ACSL5: variants seen among roughly 807,000 people sequenced by gnomAD.
ACSL5 encodes the protein long-chain-fatty-acid--CoA ligase 5.
ACSL5 carries 50 observed loss-of-function variants against 84.9 expected under a neutral mutation model. The ratio of observed to expected loss-of-function variants is 0.59; its 90% CI spans 0.47 to 0.75. The LOEUF is 0.75. Among genes scored for constraint, ACSL5 ranks in the 30% least tolerant of loss-of-function variants. ACSL5 has a pLI of 0.00. For synonymous variants in ACSL5, 280 were observed against 300.7 expected, an observed-to-expected ratio of 0.93 and a Z score of 0.71; for missense variants, 775 against 830.4, an observed-to-expected ratio of 0.93 and a Z score of 0.82.
In ACSL5 at chr10:112,426,950, A is replaced by T. The variant is rs925784128; in HGVS notation, c.1911+91A>T. 5.9e-6 allele frequency: 7 copies of T among 1,180,608 alleles called. No homozygotes were observed. The African/African-American group carries it at 1.1e-4, about 18-fold the overall frequency. 73.1% of individuals were successfully genotyped at this position (1,180,608 alleles called of 1,614,324 possible). A position where few individuals can be genotyped will look rare whatever the true frequency, so the allele number is the denominator to read the frequency against. ...ATGAGGTTTAAATGTATAATTTCTA[A>T]GGAATTGATTTTAGATTTTGTGCCA... On this transcript the variant is annotated intron_variant, in intron 20 of 20. Coordinates refer to ENST00000354655, the MANE Select transcript of ACSL5 (RefSeq NM_203379.2).
intron 12 of ACSL5, among the ~76,000 whole-genome samples, chr10:112,416,372 G>A (rs867113233): frequency 6.6e-5 from 10 of 150,724 alleles, no homozygotes; most frequent in African/African-American, 1.5e-4. Flanking sequence ...TCAGGAGGCT[G>A]AGGCAGGAGA....
chr10:112,380,122 G>A lies in ACSL5; in HGVS notation c.-30+5853G>A, dbSNP rs557905486. On this transcript the variant is annotated intron_variant, in intron 1 of 20. Transcript: ENST00000354655. The stretch of plus-strand genomic sequence containing the variant: ...GTGTTACTGACACAAGTTGTCCCGG[G>A]GTCGGGATTTGGACTGTGACTCACT... Among the ~76,000 whole-genome samples the A allele has an allele frequency of 3.9e-5, 6 of 152,234 alleles. No homozygotes were observed. In the South Asian group the frequency reaches 8.3e-4, roughly 21 times the overall value.
At chr10:112,405,229 A>G (rs901208456) in intron 5 of ACSL5, among the ~76,000 whole-genome samples, 3 of 152,212 alleles carry the variant, frequency 2.0e-5, no homozygotes, top group Admixed American at 6.5e-5. Flanking sequence ...CTATCTTTCC[A>G]CAGTGAGTTG....
chr10:112,413,844 C>T (rs1194300200), intron 12 of ACSL5, among the ~76,000 whole-genome samples: 1 of 152,178 alleles, frequency 6.6e-6, no homozygotes, highest in African/African-American at 2.4e-5. Context: ...TTGGGGGGCC[C>T]CTCAGGGTTC....
chr10:112,396,100 G>A (rs1478925128), intron 2 of ACSL5: 1 of 152,130 alleles, frequency 6.6e-6, no homozygotes, highest in African/African-American at 2.4e-5. Flanking sequence ...AAAGTGCTCT[G>A]AATCACTCAT....
At chr10:112,421,515 C>T (rs1844464136) in intron 14 of ACSL5, 78 bp from the exon 15 acceptor site, 1 of 1,326,624 alleles carries the variant, frequency 7.5e-7, no homozygotes, top group African/African-American at 1.4e-5. Context: ...CCTTGCTTTC[C>T]TCGTGTCTTG....
intron 17 of ACSL5, among the ~76,000 whole-genome samples, chr10:112,423,830 A>G (rs551246835): frequency 4.6e-5 from 7 of 152,186 alleles, no homozygotes; most frequent in African/African-American, 1.7e-4. Context: ...CTTGAGGCAG[A>G]AGTTGTGGTT....
intron 14 of ACSL5, among the ~76,000 whole-genome samples, chr10:112,418,444 T>C (rs950822957): frequency 6.6e-6 from 1 of 151,894 alleles, no homozygotes; most frequent in Non-Finnish European, 1.5e-5. Flanking sequence ...TAGCTGGGCG[T>C]GGTGGTGGGC....
chr10:112,389,616 C>T (rs1174621226), intron 1 of ACSL5, among the ~76,000 whole-genome samples: 2 of 152,170 alleles, frequency 1.3e-5, no homozygotes, highest in South Asian at 2.1e-4. Context: ...ATGCCAGTCA[C>T]GCCCACTGCT....
chr10:112,389,364 G>A (rs1414336878), intron 1 of ACSL5, among the ~76,000 whole-genome samples: 4 of 152,178 alleles, frequency 2.6e-5, no homozygotes, highest in Non-Finnish European at 5.9e-5. Context: ...GGACAAGGAT[G>A]GTGGACAAAT....
intron 9 of ACSL5, chr10:112,411,233 G>A (rs1844168614): frequency 1.8e-6 from 1 of 551,994 alleles, no homozygotes; most frequent in Non-Finnish European, 3.2e-6. Flanking sequence ...TCATGGCTGT[G>A]CTCTGCATAG....
intron 1 of ACSL5, among the ~76,000 whole-genome samples, chr10:112,391,737 A>G (rs992285132): frequency 6.6e-6 from 1 of 152,106 alleles, no homozygotes; most frequent in African/African-American, 2.4e-5. Flanking sequence ...ACTCTTAAAA[A>G]CGGTTGTTAG....
chr10:112,398,794 C>T lies in ACSL5; in HGVS notation c.157-107C>T, dbSNP rs190385624. 3.5e-5 allele frequency: 30 copies of T among 862,442 alleles called. No homozygotes were observed. The East Asian group carries it at 3.9e-4, about 11-fold the overall frequency. 53.4% of individuals were successfully genotyped at this position (862,442 alleles called of 1,614,324 possible). A position where few individuals can be genotyped will look rare whatever the true frequency, so the allele number is the denominator to read the frequency against. On this transcript the variant is annotated intron_variant, in intron 2 of 20. Transcript: ENST00000354655. ...AATTGACTAGCGAAGAGAACATTCC[C>T]GTGACCTCAAAATCGGCATTTATGG...
Position 112,394,977 on chromosome 10 carries a change from C to A in ACSL5, c.31C>A (p.Pro11Thr), listed in dbSNP as rs780367406. The A allele has an allele frequency of 6.2e-7, 1 of 1,613,778 alleles. No homozygotes were observed. Among genetic ancestry groups the A allele is most frequent in the Non-Finnish European group, 8.5e-7 (1 of 1,179,998 alleles). ...TTTTATCTTTAACTTTTTGTTTTCC[C>A]CACTTCCGACCCCGGCGTTGATCTG... MLFIFNFLFS[P>T]LPTPALICIL... The change falls in exon 2 of 21, where the codon CCA becomes ACA. Residue 11 changes from proline (P) to threonine (T), a missense_variant. By Grantham distance (38) the Pro-to-Thr change is conservative. Transcript: ENST00000354655.
chr10:112,397,058 G>T (rs1341281416), intron 2 of ACSL5, among the ~76,000 whole-genome samples: 1 of 151,980 alleles, frequency 6.6e-6, no homozygotes, highest in Non-Finnish European at 1.5e-5. Flanking sequence ...ATGAGAGTTG[G>T]ACCACTGGAC....
At chr10:112,406,678 G>C (rs971250408) in intron 5 of ACSL5, 2 of 152,172 alleles carry the variant, frequency 1.3e-5, no homozygotes, top group African/African-American at 4.8e-5. Context: ...CCTGAGACTG[G>C]GTAATTTATA....
At chr10:112,419,632 C>T (rs1844408461) in intron 14 of ACSL5, 1 of 152,108 alleles carries the variant, frequency 6.6e-6, no homozygotes, top group Non-Finnish European at 1.5e-5. Context: ...GATTTTGGAA[C>T]ATTTTGGATT....
In ACSL5 at chr10:112,416,815, G is replaced by A. The variant is rs534163316; in HGVS notation, c.1084-73G>A. 3 of 1,527,414 alleles carry A rather than the reference G, an allele frequency of 2.0e-6. No individual in the cohort carries two copies. In the South Asian group the frequency reaches 3.5e-5, roughly 18 times the overall value. 94.6% of individuals were successfully genotyped at this position (1,527,414 alleles called of 1,614,324 possible). A position where few individuals can be genotyped will look rare whatever the true frequency, so the allele number is the denominator to read the frequency against. ...CTTCCTTATAAAGCTAGAACACACT[G>A]TTTCTTGCTCACTAATGGCTTTGAT... On this transcript the variant is annotated intron_variant, in intron 12 of 20. Transcript: ENST00000354655.
At chr10:112,420,779 TG>T (rs1417059025) in intron 14 of ACSL5, among the ~76,000 whole-genome samples, 7 of 152,008 alleles carry the variant, frequency 4.6e-5, no homozygotes, top group Non-Finnish European at 8.8e-5. Context: ...TGGAGTGCAA[TG>T]GCACAATCTC....
Sources: allele counts gnomAD v4.1 joint callset (sites outside exome capture counted in the v4.1 genomes callset), GRCh38; gene constraint gnomAD v4.1.1; transcripts MANE v1.5; gene names NCBI Gene and HGNC (gene_info 2026-07-23, HGNC 2026-07-21).